Variants in SEMA5A observed in about 807,000 individuals in gnomAD.
The protein encoded by SEMA5A is semaphorin-5A.
SEMA5A carries 55 observed loss-of-function variants against 135.5 expected under a neutral mutation model. That is an observed-to-expected ratio of 0.41 (90% CI 0.33 to 0.51). SEMA5A has a LOEUF of 0.51. SEMA5A is among the 20% of genes least tolerant of loss of function. The pLI is 0.37. For missense variants in SEMA5A, 1,290 were observed against 1,419.9 expected (o/e 0.91, Z 1.47); for synonymous variants, 580 against 546.5 (o/e 1.06, Z -0.85).
intron 1 of SEMA5A, among the ~76,000 whole-genome samples, chr5:9,516,091 C>T (rs1188392085): frequency 6.6e-6 from 1 of 152,192 alleles, no homozygotes; most frequent in Admixed American, 6.5e-5. Context: ...ATTTACTGAA[C>T]ACCTACGGTA....
intron 19 of SEMA5A, among the ~76,000 whole-genome samples, 177 bp from the exon 20 acceptor site, chr5:9,052,205 T>C (rs1485793447): frequency 6.6e-6 from 1 of 152,224 alleles, no homozygotes; most frequent in Non-Finnish European, 1.5e-5. Flanking sequence ...GTACATACAG[T>C]ACACACGAGG....
intron 16 of SEMA5A, among the ~76,000 whole-genome samples, chr5:9,075,323 A>G (rs558009308): frequency 1.1e-4 from 17 of 152,282 alleles, no homozygotes; most frequent in African/African-American, 3.8e-4. Flanking sequence ...CCATTCCTCT[A>G]TATTTACCCA....
At chr5:9,467,078 A>C (rs1264956131) in intron 1 of SEMA5A, among the ~76,000 whole-genome samples, 1 of 152,228 alleles carries the variant, frequency 6.6e-6, no homozygotes, top group Admixed American at 6.5e-5. Flanking sequence ...AGCTAAAAGA[A>C]TCAGATGCCA....
At chr5:9,337,240 G>T (rs934847195) in intron 4 of SEMA5A, among the ~76,000 whole-genome samples, 2 of 152,122 alleles carry the variant, frequency 1.3e-5, no homozygotes, top group Admixed American at 1.3e-4. Flanking sequence ...TGGGCCTTGG[G>T]GTACACATCA....
chr5:9,531,607 G>T (rs1469083217), intron 1 of SEMA5A, among the ~76,000 whole-genome samples: 1 of 152,158 alleles, frequency 6.6e-6, no homozygotes, highest in Non-Finnish European at 1.5e-5. Flanking sequence ...TCCTAGGAAA[G>T]CCTCAGGGTT....
At chr5:9,359,273 T>C (rs1754588623) in intron 3 of SEMA5A, among the ~76,000 whole-genome samples, 1 of 152,246 alleles carries the variant, frequency 6.6e-6, no homozygotes, top group African/African-American at 2.4e-5. Context: ...ATTAAATTCC[T>C]TAGTTTTTTT....
chr5:9,136,633 C>T lies in SEMA5A; in HGVS notation c.1482-12G>A, dbSNP rs1741771655. On this transcript the variant is annotated splice_polypyrimidine_tract_variant and intron_variant, in intron 12 of 22. Coordinates refer to ENST00000382496, the MANE Select transcript of SEMA5A (RefSeq NM_003966.3). ...CCCCAATGCAGGTGCTGGAAACACA[C>T]ACCAAATGGTCAACAGAAAGGTCGC... 6 of 1,603,970 alleles carry T rather than the reference C, an allele frequency of 3.7e-6. No individual in the cohort carries two copies. Among genetic ancestry groups the T allele is most frequent in the South Asian group, 1.1e-5 (1 of 90,872 alleles).
At chr5:9,062,453 CATTT>C (rs983269664) in intron 18 of SEMA5A, among the ~76,000 whole-genome samples, 5 of 152,114 alleles carry the variant, frequency 3.3e-5, no homozygotes, top group African/African-American at 1.2e-4. Flanking sequence ...TCACACAAGA[CATTT>C]ATTTATTTGT....
At chr5:9,494,257 T>C (rs1163641730) in intron 1 of SEMA5A, among the ~76,000 whole-genome samples, 1 of 152,168 alleles carries the variant, frequency 6.6e-6, no homozygotes, top group Admixed American at 6.5e-5. Flanking sequence ...CACATCAAAG[T>C]TAATTATCTT....
intron 5 of SEMA5A, among the ~76,000 whole-genome samples, chr5:9,280,510 A>G (rs1250293080): frequency 1.3e-5 from 2 of 152,182 alleles, no homozygotes; most frequent in African/African-American, 2.4e-5. Flanking sequence ...ATGTCCCTCA[A>G]CAGGACCAGG....
At chr5:9,191,528 T>C (rs1579577206) in intron 10 of SEMA5A, among the ~76,000 whole-genome samples, 1 of 152,200 alleles carries the variant, frequency 6.6e-6, no homozygotes, top group East Asian at 1.9e-4. Flanking sequence ...TCCAGGCCCA[T>C]ACCACCTGAA....
At chr5:9,500,325 TG>T (rs1172445763) in intron 1 of SEMA5A, among the ~76,000 whole-genome samples, 1 of 152,236 alleles carries the variant, frequency 6.6e-6, no homozygotes, top group Non-Finnish European at 1.5e-5. Context: ...GTCATCCCCA[TG>T]GGGCCTCTGA....
chr5:9,212,803 G>T (rs1427838253), intron 8 of SEMA5A, among the ~76,000 whole-genome samples: 2 of 152,162 alleles, frequency 1.3e-5, no homozygotes, highest in Non-Finnish European at 2.9e-5. Context: ...CATAAAGCAG[G>T]CTTCCACAGA....
intron 2 of SEMA5A, among the ~76,000 whole-genome samples, chr5:9,423,711 A>G (rs1370253037): frequency 2.0e-5 from 3 of 152,246 alleles, no homozygotes; most frequent in Admixed American, 6.5e-5. Flanking sequence ...GGTGTGAACA[A>G]TGCAAGTGAG....
rs1325074281 is a variant in SEMA5A at position 9,371,700 on chromosome 5, G to A, written c.124+8123C>T. 6.6e-5 allele frequency among the ~76,000 whole-genome samples: 10 copies of A among 152,130 alleles called. 1 individual carries two copies. Among genetic ancestry groups the A allele is most frequent in the Non-Finnish European group, 1.5e-5 (1 of 68,020 alleles). On this transcript the variant is annotated intron_variant, in intron 3 of 22. Coordinates refer to ENST00000382496, the MANE Select transcript of SEMA5A (RefSeq NM_003966.3). Reference sequence around the variant, plus strand: ...GACATTACATCACATAAAACATCCAGTCATATGCATGATAATGAAAAGACA... The same window carrying A: ...GACATTACATCACATAAAACATCCAATCATATGCATGATAATGAAAAGACA...
rs562453462 is a variant in SEMA5A, at chr5:9,127,477, A to G, written c.1600-4640T>C. On this transcript the variant is annotated intron_variant, in intron 13 of 22. Coordinates refer to ENST00000382496, the MANE Select transcript of SEMA5A (RefSeq NM_003966.3). Reference sequence around the variant, plus strand: ...CCTATGGCTCATAAGCCCTGGGAATAATGGCATGGAGATCTACCTGTCCTG... The same window carrying G: ...CCTATGGCTCATAAGCCCTGGGAATGATGGCATGGAGATCTACCTGTCCTG... 7.9e-5 allele frequency among the ~76,000 whole-genome samples: 12 copies of G among 152,242 alleles called. No individual in the cohort carries two copies. In the South Asian group the frequency reaches 2.5e-3, roughly 32 times the overall value.
intron 1 of SEMA5A, among the ~76,000 whole-genome samples, chr5:9,475,556 T>C (rs1300036291): frequency 6.6e-6 from 1 of 152,228 alleles, no homozygotes; most frequent in Non-Finnish European, 1.5e-5. Context: ...ATAAAAGTTT[T>C]CAAATGATTT....
chr5:9,063,156 T>A, intron 17 of SEMA5A, 51 bp from the exon 18 acceptor site: 1 of 1,510,666 alleles, frequency 6.6e-7, no homozygotes, highest in Non-Finnish European at 9.1e-7. Context: ...TCAGAGGAAC[T>A]ACAGTCCATG....
intron 3 of SEMA5A, among the ~76,000 whole-genome samples, chr5:9,374,536 G>A (rs1045683983): frequency 5.3e-5 from 8 of 152,118 alleles, no homozygotes; most frequent in South Asian, 2.1e-4. Context: ...ACAAAAAAGC[G>A]TTCACGGGGA....
Sources: allele counts gnomAD v4.1 joint callset (sites outside exome capture counted in the v4.1 genomes callset), GRCh38; gene constraint gnomAD v4.1.1; transcripts MANE v1.5; gene names NCBI Gene and HGNC (gene_info 2026-07-23, HGNC 2026-07-21).